Variants in PRKCQ observed in about 807,000 individuals in gnomAD.
PRKCQ encodes the protein protein kinase C theta.
In PRKCQ, 41 loss-of-function variants were observed where a neutral mutation model predicts 91.2. The observed-to-expected ratio is 0.45, with a 90% confidence interval of 0.35 to 0.58. The LOEUF (loss-of-function observed/expected upper bound fraction) is 0.58. Among genes scored for constraint, PRKCQ ranks in the 20% least tolerant of loss-of-function variants. The pLI is 0.00. For missense variants in PRKCQ, 673 were observed against 896.5 expected, an observed-to-expected ratio of 0.75 and a Z score of 3.18; for synonymous variants, 307 against 316.9, an observed-to-expected ratio of 0.97 and a Z score of 0.33.
At chr10:6,479,211 C>T (rs1588724525) in intron 11 of PRKCQ, 46 bp from the exon 12 acceptor site, 5 of 1,596,144 alleles carry the variant, frequency 3.1e-6, no homozygotes, top group South Asian at 1.1e-5. Flanking sequence ...ATTTGGATTC[C>T]CATTTCTTAA....
chr10:6,539,326 C>T (rs950919574), intron 1 of PRKCQ, among the ~76,000 whole-genome samples: 3 of 152,132 alleles, frequency 2.0e-5, no homozygotes, highest in Non-Finnish European at 4.4e-5. Flanking sequence ...GGTCCGTGGC[C>T]TGTTAGGAAC....
chr10:6,395,101 C>G, the PRKCQ span, among the ~76,000 whole-genome samples: 1 of 133,118 alleles, frequency 7.5e-6, no homozygotes, highest in Non-Finnish European at 1.6e-5. Context: ...CTCGCTCTGT[C>G]TCCCAGGCTG....
chr10:6,520,274 C>T (rs1255705433), intron 1 of PRKCQ, among the ~76,000 whole-genome samples: 5 of 152,298 alleles, frequency 3.3e-5, no homozygotes, highest in South Asian at 4.1e-4. Flanking sequence ...GGTGCCGCGA[C>T]GCCCGGCCCT....
chr10:6,548,941 A>G (rs1840080005), intron 1 of PRKCQ, among the ~76,000 whole-genome samples: 1 of 152,250 alleles, frequency 6.6e-6, no homozygotes, highest in Admixed American at 6.5e-5. Context: ...CAGCTCAGCT[A>G]CAGTGAAAGA....
chr10:6,568,242 A>G (rs1454008318), intron 1 of PRKCQ, among the ~76,000 whole-genome samples: 1 of 152,070 alleles, frequency 6.6e-6, no homozygotes, highest in African/African-American at 2.4e-5. Flanking sequence ...AAAACAAAAC[A>G]AAAACAAAAA....
the PRKCQ span, among the ~76,000 whole-genome samples, chr10:6,404,229 G>C: frequency 2.2e-5 from 2 of 92,358 alleles, no homozygotes; most frequent in Non-Finnish European, 4.0e-5. Flanking sequence ...GAGAGAGAGA[G>C]AGAGAGAAAG....
chr10:6,529,040 T>G (rs760312577), intron 1 of PRKCQ, among the ~76,000 whole-genome samples: 2 of 152,230 alleles, frequency 1.3e-5, no homozygotes, highest in Non-Finnish European at 2.9e-5. Context: ...CTCTTCTGGA[T>G]GTCAGGGCGC....
At chr10:6,560,171 T>C (rs1840575645) in intron 1 of PRKCQ, among the ~76,000 whole-genome samples, 2 of 152,214 alleles carry the variant, frequency 1.3e-5, no homozygotes, top group South Asian at 4.1e-4. Flanking sequence ...TCTTTGTTAC[T>C]GCCTAAGCCA....
intron 1 of PRKCQ, among the ~76,000 whole-genome samples, chr10:6,554,922 T>C (rs1377223872): frequency 6.6e-6 from 1 of 152,118 alleles, no homozygotes; most frequent in Non-Finnish European, 1.5e-5. Context: ...ATGTAGTACA[T>C]AGACACCATG....
intron 1 of PRKCQ, among the ~76,000 whole-genome samples, chr10:6,561,375 A>G (rs1164379022): frequency 1.2e-3 from 43 of 36,684 alleles, no homozygotes; most frequent in East Asian, 7.4e-3. Context: ...GTCTCAAAAA[A>G]AAAAAAAAAA....
intron 4 of PRKCQ, among the ~76,000 whole-genome samples, chr10:6,500,020 T>G (rs1416256625): frequency 6.6e-6 from 1 of 152,206 alleles, no homozygotes; most frequent in African/African-American, 2.4e-5. Context: ...CCTCTAACAG[T>G]TCCACAGATG....
intron 1 of PRKCQ, among the ~76,000 whole-genome samples, chr10:6,566,586 G>A (rs1438844729): frequency 2.0e-5 from 3 of 152,068 alleles, no homozygotes; most frequent in African/African-American, 7.2e-5. Context: ...GACTAGGTAG[G>A]GTGAATGACA....
the PRKCQ span, among the ~76,000 whole-genome samples, chr10:6,411,453 A>G: frequency 0.19 from 29,147 of 152,176 alleles, 3,274 homozygotes; most frequent in Middle Eastern, 0.29. Flanking sequence ...TTTCCCTAGG[A>G]GGAGACAAAT....
chr10:6,432,205 C>T (rs1252644382), intron 16 of PRKCQ, among the ~76,000 whole-genome samples: 2 of 152,138 alleles, frequency 1.3e-5, no homozygotes, highest in African/African-American at 4.8e-5. Context: ...GACTTGACCT[C>T]CATTCACACC....
intron 15 of PRKCQ, among the ~76,000 whole-genome samples, chr10:6,450,979 A>G (rs1446169670): frequency 1.3e-5 from 2 of 152,082 alleles, no homozygotes; most frequent in African/African-American, 4.8e-5. Context: ...AAGCAGGAAA[A>G]ATCCAAAACT....
chr10:6,450,029 C>A (rs1320775424), intron 15 of PRKCQ, among the ~76,000 whole-genome samples: 3 of 147,770 alleles, frequency 2.0e-5, no homozygotes, highest in African/African-American at 2.5e-5. Flanking sequence ...CATCAACTAA[C>A]GAGCAAAATA....
intron 4 of PRKCQ, among the ~76,000 whole-genome samples, chr10:6,501,153 C>G (rs999862970): frequency 2.0e-5 from 3 of 151,820 alleles, no homozygotes; most frequent in Non-Finnish European, 4.4e-5. Context: ...AACTCATAAT[C>G]TTGGAGACCC....
intron 1 of PRKCQ, among the ~76,000 whole-genome samples, chr10:6,565,348 G>C (rs1840803255): frequency 6.6e-6 from 1 of 152,122 alleles, no homozygotes; most frequent in African/African-American, 2.4e-5. Context: ...TCTCTGTTCT[G>C]AGTACTTCAA....
chr10:6,459,883 G>A (rs562587310), intron 14 of PRKCQ, among the ~76,000 whole-genome samples: 76 of 152,326 alleles, frequency 5.0e-4, no homozygotes, highest in Non-Finnish European at 8.4e-4. Flanking sequence ...TAATGTATCA[G>A]TTTTGTGAAC....
Sources: gnomAD v4.1 joint callset for allele counts (sites outside exome capture counted in the v4.1 genomes callset) on GRCh38, gnomAD v4.1.1 for gene constraint, MANE v1.5 for transcripts, NCBI Gene and HGNC (gene_info 2026-07-23, HGNC 2026-07-21) for gene names.